The following PCDH9 variants were observed in gnomAD, a reference collection of about 807,000 sequenced individuals.
The protein encoded by PCDH9 is protocadherin 9, also known as protocadherin-9.
Under a neutral mutation model 70.6 loss-of-function variants are expected in PCDH9, and 24 were observed. That is an observed-to-expected ratio of 0.34 (90% CI 0.25 to 0.48). The LOEUF (loss-of-function observed/expected upper bound fraction) is 0.48, where lower values mean the gene tolerates loss of function less well. Ranked by LOEUF, PCDH9 falls within the 20% of genes least tolerant of loss-of-function variation. PCDH9 has a pLI of 0.99. For synonymous variants in PCDH9, 562 were observed against 558.5 expected, an observed-to-expected ratio of 1.01 and a Z score of -0.09; for missense variants, 1,281 against 1,503.6, an observed-to-expected ratio of 0.85 and a Z score of 2.45.
At chr13:66,395,270 T>C (rs1957083036) in intron 4 of PCDH9, among the ~76,000 whole-genome samples, 1 of 152,136 alleles carries the variant, frequency 6.6e-6, no homozygotes, top group Non-Finnish European at 1.5e-5. Flanking sequence ...AATCTTCTGC[T>C]CCCTTGAAGA....
At position 66,884,352 on chromosome 13, in the gene PCDH9, A is replaced by AT. The variant is rs368679368; in HGVS notation, c.3138+19151dup. On this transcript the variant is annotated intron_variant, in intron 3 of 4. Coordinates refer to ENST00000377865, the MANE Select transcript of PCDH9 (RefSeq NM_203487.3). ...TTCCCATAGCATCTGCAATATAGTA[A>AT]TTAGCACATCGCTGTTAGGAATTTT... Among the ~76,000 whole-genome samples, 1,222 of 152,220 alleles carry AT rather than the reference A, an allele frequency of 8.0e-3. 16 individuals are homozygous for AT. The highest frequency in any genetic ancestry group is 0.027 in the African/African-American group (1,139 of 41,528).
At chr13:66,900,646 T>G (rs2082261940) in intron 3 of PCDH9, among the ~76,000 whole-genome samples, 1 of 151,814 alleles carries the variant, frequency 6.6e-6, no homozygotes, top group African/African-American at 2.4e-5. Flanking sequence ...AAGCTAATAA[T>G]AATTAAAAGC....
Position 67,226,598 on chromosome 13 carries a change from T to A in PCDH9, c.1843A>T (p.Asn615Tyr), listed in dbSNP as rs748242548. 1.9e-6 allele frequency: 3 copies of A among 1,614,068 alleles called. No individual in the cohort carries two copies. Among genetic ancestry groups the A allele is most frequent in the Non-Finnish European group, 1.7e-6 (2 of 1,179,930 alleles). Residue 615 changes from asparagine to tyrosine, a missense_variant, in exon 2 of 5, where the codon AAT becomes TAT. Asn to Tyr is a moderately radical substitution (Grantham distance 143). Transcript: ENST00000377865. The surrounding 1 kb of genome is among the most constrained non-coding windows in gnomAD (Gnocchi z 5.0). ...KAVTLSILND[N>Y]DNFVLDPYSG... Reference sequence around the variant, plus strand: ...TAGGGATCCAACACAAAATTATCATTGTCATTTAGAATGGAAAGAGTCACA... The same window carrying A: ...TAGGGATCCAACACAAAATTATCATAGTCATTTAGAATGGAAAGAGTCACA...
At chr13:66,577,773 T>C (rs1165574297) in intron 4 of PCDH9, among the ~76,000 whole-genome samples, 1 of 152,030 alleles carries the variant, frequency 6.6e-6, no homozygotes, top group Admixed American at 6.6e-5. Context: ...TTCAGAGTTA[T>C]GGATTTTAGC....
intron 2 of PCDH9, among the ~76,000 whole-genome samples, chr13:67,198,357 A>G (rs2089127382): frequency 6.6e-6 from 1 of 151,916 alleles, no homozygotes; most frequent in Non-Finnish European, 1.5e-5. Context: ...AATCCTAAGG[A>G]GTCTCCTTTC....
At chr13:66,369,891 A>G (rs1348508415) in intron 4 of PCDH9, among the ~76,000 whole-genome samples, 3 of 152,170 alleles carry the variant, frequency 2.0e-5, no homozygotes, top group African/African-American at 4.8e-5. Flanking sequence ...AATGTCAGAA[A>G]TGAACATTCC....
chr13:67,029,028 CTTTA>C (rs1486241115), intron 2 of PCDH9, among the ~76,000 whole-genome samples: 1 of 152,044 alleles, frequency 6.6e-6, no homozygotes, highest in Non-Finnish European at 1.5e-5. Flanking sequence ...ATTTCCCTAA[CTTTA>C]TTTAATCAGT....
chr13:66,488,027 C>T (rs1028444037), intron 4 of PCDH9, among the ~76,000 whole-genome samples: 3 of 152,090 alleles, frequency 2.0e-5, no homozygotes, highest in Admixed American at 6.6e-5. Flanking sequence ...TTCCTGGTGC[C>T]GAACCATACA....
rs74827395 is a variant in PCDH9, at chr13:66,577,698, T to A, written c.3340+53512A>T. ...GCTTACTGATAGGAGATTGCTTTCA[T>A]ATTTTCTTAAGTTTTTCAGTTCCAC... On this transcript the variant is annotated intron_variant, in intron 4 of 4. Coordinates refer to ENST00000377865, the MANE Select transcript of PCDH9 (RefSeq NM_203487.3). Among the ~76,000 whole-genome samples, 668 of 152,178 alleles carry A rather than the reference T, an allele frequency of 4.4e-3. 26 individuals are homozygous for A. The East Asian group carries it at 0.086, about 19-fold the overall frequency.
intron 4 of PCDH9, among the ~76,000 whole-genome samples, chr13:66,430,452 A>G (rs1195164701): frequency 6.6e-6 from 1 of 152,064 alleles, no homozygotes; most frequent in Non-Finnish European, 1.5e-5. Context: ...AGTAGTCTGT[A>G]AGGGAGAGTG....
intron 4 of PCDH9, among the ~76,000 whole-genome samples, chr13:66,585,117 G>A (rs543163568): frequency 6.6e-5 from 10 of 152,148 alleles, no homozygotes; most frequent in African/African-American, 2.4e-4. Flanking sequence ...ACAAAATATT[G>A]AGTAGGAAAT....
chr13:66,949,175 G>A (rs1044886415), intron 2 of PCDH9, among the ~76,000 whole-genome samples: 1 of 152,050 alleles, frequency 6.6e-6, no homozygotes, highest in African/African-American at 2.4e-5. Flanking sequence ...GAGGATTCTA[G>A]CATTTATCCA....
intron 4 of PCDH9, among the ~76,000 whole-genome samples, chr13:66,453,954 G>C (rs1349839044): frequency 6.6e-6 from 1 of 151,968 alleles, no homozygotes; most frequent in Non-Finnish European, 1.5e-5. Flanking sequence ...TATGATATTT[G>C]TCTTAGGAAT....
At position 66,614,914 on chromosome 13, in the gene PCDH9, G is replaced by A. The variant is rs551275684; in HGVS notation, c.3340+16296C>T. Among the ~76,000 whole-genome samples the A allele has an allele frequency of 2.6e-4, 39 of 152,256 alleles. 1 individual carries two copies. Among genetic ancestry groups the A allele is most frequent in the Admixed American group, 7.9e-4 (12 of 15,282 alleles). On this transcript the variant is annotated intron_variant, in intron 4 of 4. Transcript: ENST00000377865. ...GGACCTCACATTTTGTATTTGTCCC[G>A]ATTGGCTAGCAACTTAGAACTTTTT... is the stretch of plus-strand genomic sequence containing the variant.
chr13:66,561,493 T>A (rs1358365160), intron 4 of PCDH9, among the ~76,000 whole-genome samples: 1 of 152,206 alleles, frequency 6.6e-6, no homozygotes, highest in Non-Finnish European at 1.5e-5. Context: ...CTCCTGAGTC[T>A]GGTGGGAACT....
At chr13:66,731,636 C>T (rs1169734171) in intron 3 of PCDH9, among the ~76,000 whole-genome samples, 1 of 152,034 alleles carries the variant, frequency 6.6e-6, no homozygotes, top group Non-Finnish European at 1.5e-5. Flanking sequence ...AAAGAAAATT[C>T]ACTTTGAACT....
intron 2 of PCDH9, among the ~76,000 whole-genome samples, chr13:66,913,233 T>C (rs2082499045): frequency 1.3e-5 from 2 of 151,884 alleles, no homozygotes; most frequent in South Asian, 4.1e-4. Context: ...TTTGTAAGAG[T>C]ATAGATCCAT....
intron 3 of PCDH9, among the ~76,000 whole-genome samples, chr13:66,654,908 T>C (rs1305367550): frequency 6.6e-6 from 1 of 151,740 alleles, no homozygotes; most frequent in African/African-American, 2.4e-5. Context: ...TGTTTTTTTG[T>C]AGAGACGGGG....
intron 4 of PCDH9, among the ~76,000 whole-genome samples, chr13:66,431,505 A>C (rs988865744): frequency 6.6e-6 from 1 of 152,080 alleles, no homozygotes; most frequent in African/African-American, 2.4e-5. Context: ...GTGATTTATC[A>C]ATAATGTATT....
Sources: allele counts gnomAD v4.1 joint callset (sites outside exome capture counted in the v4.1 genomes callset), GRCh38; gene constraint gnomAD v4.1.1; non-coding constraint Gnocchi (gnomAD v3.1); transcripts MANE v1.5; gene names NCBI Gene and HGNC (gene_info 2026-07-23, HGNC 2026-07-21).